The following HIP1R variants were observed in gnomAD, a reference collection of about 807,000 sequenced individuals.
HIP1R encodes the protein huntingtin interacting protein 1 related.
Under a neutral mutation model 144.2 loss-of-function variants are expected in HIP1R, and 135 were observed. That is an observed-to-expected ratio of 0.94 (90% CI 0.81 to 1.08). The LOEUF (loss-of-function observed/expected upper bound fraction) is 1.08, where lower values mean the gene tolerates loss of function less well. HIP1R is among the 50% of genes least tolerant of loss of function. HIP1R has a pLI of 0.00. For missense variants in HIP1R, 1,462 were observed against 1,432.8 expected, an observed-to-expected ratio of 1.02 and a Z score of -0.33; for synonymous variants, 698 against 612.8, an observed-to-expected ratio of 1.14 and a Z score of -2.05.
At chr12:122,834,841 A>G, upstream of HIP1R, 1 of 712,694 alleles carries the variant, frequency 1.4e-6, no homozygotes, top group Non-Finnish European at 2.1e-6. Flanking sequence ...AGCTGCAGCT[A>G]TGTCAGAATT....
chr12:122,856,014 T>TA lies in HIP1R; in HGVS notation c.1163_1164insA (p.Asn389GlufsTer6). 1.3e-6 allele frequency: 2 copies of TA among 1,595,432 alleles called. No individual in the cohort carries two copies. The highest frequency in any genetic ancestry group is 1.7e-6 in the Non-Finnish European group (2 of 1,171,450). On this transcript the variant is annotated frameshift_variant, in exon 14 of 32. Transcript: ENST00000253083. LOFTEE classifies it high-confidence loss of function. ...TACATCGCGCAGCTGAAGAGCCAGG[T>TA]GAATGCACTGGAGGGTGAGCTGGAG...
chr12:122,855,503 G>A lies in HIP1R; in HGVS notation c.994-48G>A, dbSNP rs1426282811. 7.7e-6 allele frequency: 12 copies of A among 1,548,622 alleles called. No homozygotes were observed. The highest frequency in any genetic ancestry group is 2.3e-4 in the Middle Eastern group (1 of 4,370). On this transcript the variant is annotated intron_variant, in intron 11 of 31. Coordinates refer to ENST00000253083, the MANE Select transcript of HIP1R (RefSeq NM_003959.3). The stretch of plus-strand genomic sequence containing the variant: ...CCAGCCCTCCCTTTGCCCACTGCCC[G>A]GCCTGGAGGGCACAGGTGAGTGGGG...
chr12:122,857,074 T>C lies in HIP1R; in HGVS notation c.1674T>C (p.Ala558=). The C allele has an allele frequency of 6.4e-7, 1 of 1,551,640 alleles. No homozygotes were observed. The highest frequency in any genetic ancestry group is 8.7e-7 in the Non-Finnish European group (1 of 1,147,716). ...RLDTLSAEKD[A]LSGAVRQREA... Reference sequence around the variant, plus strand: ...ACACGCTGAGTGCGGAGAAGGATGCTCTGAGTGGAGCTGTGCGGCAGCGGG... The same window carrying C: ...ACACGCTGAGTGCGGAGAAGGATGCCCTGAGTGGAGCTGTGCGGCAGCGGG... The change falls in exon 18 of 32, where the codon GCT becomes GCC. Residue 558 remains alanine, a synonymous_variant. Coordinates refer to ENST00000253083, the MANE Select transcript of HIP1R (RefSeq NM_003959.3).
chr12:122,841,327 G>A (rs2033050450), intron 1 of HIP1R, among the ~76,000 whole-genome samples: 1 of 152,240 alleles, frequency 6.6e-6, no homozygotes, highest in African/African-American at 2.4e-5. Context: ...ACATGGGGTG[G>A]GCGCATGTGT....
At chr12:122,849,838 C>T (rs769078882) in intron 4 of HIP1R, 37 bp from the exon 5 acceptor site, 11 of 1,513,708 alleles carry the variant, frequency 7.3e-6, no homozygotes, top group Admixed American at 3.4e-5. Context: ...GACGTGTTCA[C>T]GAGCCGTGGC....
At chr12:122,860,236 C>T (rs1200067489) in intron 26 of HIP1R, 26 bp downstream of exon 26, 1 of 1,544,274 alleles carries the variant, frequency 6.5e-7, no homozygotes, top group East Asian at 2.4e-5. Context: ...CAGCAGGGCA[C>T]AGTCCACAAG....
chr12:122,858,736 C>A (rs866125244), intron 20 of HIP1R, 102 bp from the exon 21 acceptor site: 2 of 861,394 alleles, frequency 2.3e-6, no homozygotes, highest in Non-Finnish European at 3.9e-6. Context: ...GCCCTCCTTT[C>A]CTCTTCCTCC....
intron 1 of HIP1R, among the ~76,000 whole-genome samples, chr12:122,842,704 G>A (rs1216426966): frequency 6.6e-6 from 1 of 152,204 alleles, no homozygotes; most frequent in Non-Finnish European, 1.5e-5. Flanking sequence ...CATTCCTGCG[G>A]TCTGTTTCCA....
chr12:122,855,767 C>T lies in HIP1R; in HGVS notation c.1056-64C>T, dbSNP rs2033550103. On this transcript the variant is annotated intron_variant, in intron 12 of 31. Transcript: ENST00000253083. The stretch of plus-strand genomic sequence containing the variant: ...GTGGCCACTGAGGAGGAGACAGGTT[C>T]CTGTGCTGGGTCTGTTGACTGTTCT... The T allele has an allele frequency of 8.5e-6, 13 of 1,531,556 alleles. No individual in the cohort carries two copies. The South Asian group carries it at 1.6e-4, about 18-fold the overall frequency. 94.9% of individuals were successfully genotyped at this position (1,531,556 alleles called of 1,614,324 possible).
At chr12:122,858,757 ATAGCTGGCCACCGAC>A (rs766156862) in intron 20 of HIP1R, 66 bp from the exon 21 acceptor site, 17 of 985,670 alleles carry the variant, frequency 1.7e-5, no homozygotes, top group Non-Finnish European at 2.7e-5. Context: ...TCCTCCTGGG[ATAGCTGGCCACCGAC>A]GGTGGTCCCA....
intron 7 of HIP1R, among the ~76,000 whole-genome samples, chr12:122,852,455 C>T (rs1479043915): frequency 6.6e-6 from 1 of 152,352 alleles, no homozygotes; most frequent in South Asian, 2.1e-4. Context: ...GAGCCAGTTA[C>T]CCCTGGCATG....
chr12:122,855,572 C>T lies in HIP1R; in HGVS notation c.1015C>T (p.Gln339Ter), dbSNP rs1158696617. Residue 339 changes from glutamine to a stop codon, truncating the protein, a stop_gained, in exon 12 of 32, where the codon CAG (glutamine) becomes TAG (stop). Coordinates refer to ENST00000253083, the MANE Select transcript of HIP1R (RefSeq NM_003959.3). LOFTEE classifies it high-confidence loss of function. ...GCAGGTGGTGGCTGACCTCTTCGAT[C>T]AGACGTTTGGACCCCCCAATGGGTC... The part of the protein sequence containing the change: ...EPVVVADLFD[Q>*]TFGPPNGSVK... The T allele has an allele frequency of 6.5e-7, 1 of 1,549,608 alleles. No individual in the cohort carries two copies. Among genetic ancestry groups the T allele is most frequent in the South Asian group, 1.2e-5 (1 of 83,988 alleles).
rs1454536829 is a variant in HIP1R, at chr12:122,862,089, T to C, written c.*336T>C. 1 of 275,710 alleles carries C rather than the reference T, an allele frequency of 3.6e-6. No homozygotes were observed. Among genetic ancestry groups the C allele is most frequent in the Non-Finnish European group, 6.8e-6 (1 of 147,384 alleles). 17.1% of individuals were successfully genotyped at this position (275,710 alleles called of 1,614,324 possible). Reference sequence around the variant, plus strand: ...TTAATATTCCGAGCTAGAGCTCTTCTTCCTACGTTTGTAGTCAGCACACTG... The same window carrying C: ...TTAATATTCCGAGCTAGAGCTCTTCCTCCTACGTTTGTAGTCAGCACACTG... On this transcript the variant is annotated 3_prime_UTR_variant, in exon 32 of 32. Coordinates refer to ENST00000253083, the MANE Select transcript of HIP1R (RefSeq NM_003959.3).
chr12:122,839,438 G>A (rs1160421649), intron 1 of HIP1R, among the ~76,000 whole-genome samples: 1 of 152,214 alleles, frequency 6.6e-6, no homozygotes, highest in Non-Finnish European at 1.5e-5. Context: ...AGGTGTAAGG[G>A]GTTCCTGTGG....
At position 122,856,024 on chromosome 12, in the gene HIP1R, G is replaced by A; in HGVS notation, c.1173G>A (p.Leu391=). The change falls in exon 14 of 32, where the codon CTG becomes CTA. Residue 391 remains leucine (L), a synonymous_variant. Coordinates refer to ENST00000253083, the MANE Select transcript of HIP1R (RefSeq NM_003959.3). The part of the protein sequence containing the change: ...IAQLKSQVNA[L]EGELEEQRKQ... ...AGCTGAAGAGCCAGGTGAATGCACT[G>A]GAGGGTGAGCTGGAGGAGCAGCGGA... 6.3e-7 allele frequency: 1 copy of A among 1,596,972 alleles called. No homozygotes were observed. The highest frequency in any genetic ancestry group is 8.5e-7 in the Non-Finnish European group (1 of 1,172,050).
At chr12:122,854,791 G>T in intron 8 of HIP1R, 114 bp from the exon 9 acceptor site, 1 of 1,125,302 alleles carries the variant, frequency 8.9e-7, no homozygotes, top group African/African-American at 1.6e-5. Context: ...GGCCTGGCCC[G>T]GTCTCAGGTG....
intron 4 of HIP1R, among the ~76,000 whole-genome samples, chr12:122,849,622 C>T (rs575500056): frequency 2.0e-5 from 3 of 152,376 alleles, no homozygotes; most frequent in East Asian, 3.9e-4. Flanking sequence ...TTTAATAAAG[C>T]GTCCCTGCTC....
intron 1 of HIP1R, among the ~76,000 whole-genome samples, chr12:122,837,099 T>A (rs1163050146): frequency 6.6e-6 from 1 of 152,228 alleles, no homozygotes; most frequent in Non-Finnish European, 1.5e-5. Context: ...CTGGATGTTG[T>A]CAGAAACTTT....
Position 122,857,054 on chromosome 12 carries a change from C to G in HIP1R, c.1654C>G (p.Leu552Val). The change falls in exon 18 of 32, where the codon CTG becomes GTG. Residue 552 changes from leucine (L) to valine (V), a missense_variant. Physicochemically the swap from Leu to Val is conservative, Grantham distance 32. Transcript: ENST00000253083. ...KSELSSRLDT[L>V]SAEKDALSGA... ...GGAGCTGAGCTCACGGCTGGACACG[C>G]TGAGTGCGGAGAAGGATGCTCTGAG... 9.7e-6 allele frequency: 15 copies of G among 1,550,888 alleles called. No homozygotes were observed. Among genetic ancestry groups the G allele is most frequent in the Non-Finnish European group, 1.3e-5 (15 of 1,147,636 alleles).
Sources: gnomAD v4.1 joint callset for allele counts (sites outside exome capture counted in the v4.1 genomes callset) on GRCh38, gnomAD v4.1.1 for gene constraint, MANE v1.5 for transcripts, NCBI Gene and HGNC (gene_info 2026-07-23, HGNC 2026-07-21) for gene names.